Variants in ZMYM6 observed in about 807,000 individuals in gnomAD.
ZMYM6 encodes zinc finger MYM-type protein 6.
A neutral mutation model predicts 134.0 loss-of-function variants in ZMYM6; 90 were observed. That is an observed-to-expected ratio of 0.67 (90% confidence interval 0.57 to 0.80). ZMYM6 has a LOEUF of 0.80. Ranked by LOEUF, ZMYM6 falls within the 30% of genes least tolerant of loss-of-function variation. The pLI, the probability that ZMYM6 is intolerant of heterozygous loss-of-function variation, is 0.00. For missense variants in ZMYM6, 1,362 were observed against 1,533.9 expected, an observed-to-expected ratio of 0.89 and a Z score of 1.87; for synonymous variants, 481 against 524.1, an observed-to-expected ratio of 0.92 and a Z score of 1.12.
chr1:35,004,532 T>G (rs1259929749), intron 13 of ZMYM6, among the ~76,000 whole-genome samples: 3 of 151,408 alleles, frequency 2.0e-5, no homozygotes, highest in African/African-American at 7.3e-5. Context: ...TCGCTTGAAC[T>G]CGGGAGGCGG....
chr1:34,998,450 G>A lies in ZMYM6; in HGVS notation c.1992+5518C>T, dbSNP rs1640824845. Among the ~76,000 whole-genome samples the A allele has an allele frequency of 3.3e-5, 5 of 152,224 alleles. No homozygotes were observed. In the South Asian group the frequency reaches 1.0e-3, roughly 32 times the overall value. Reference sequence around the variant, plus strand: ...TTATTCTTTTCAGAATGTCATTGAAGGTTTTTGAGCGGAGGAATGACATGA... The same window carrying A: ...TTATTCTTTTCAGAATGTCATTGAAAGTTTTTGAGCGGAGGAATGACATGA... On this transcript the variant is annotated intron_variant, in intron 14 of 15. Transcript: ENST00000357182.
intron 14 of ZMYM6, among the ~76,000 whole-genome samples, chr1:34,999,339 G>T (rs1167469605): frequency 1.3e-5 from 2 of 152,186 alleles, no homozygotes; most frequent in African/African-American, 4.8e-5. Context: ...AGCCTGACTG[G>T]AATGACCTAA....
intron 1 of ZMYM6, chr1:35,031,176 C>T (rs540675355): frequency 6.6e-6 from 1 of 152,648 alleles, no homozygotes; most frequent in Admixed American, 6.5e-5. Context: ...CTAAGGGCCC[C>T]ATTTCTCGGC....
intron 10 of ZMYM6, 85 bp from the exon 11 acceptor site, chr1:35,009,009 A>C: frequency 7.1e-7 from 1 of 1,405,228 alleles, no homozygotes; most frequent in Non-Finnish European, 9.6e-7. Context: ...CTTAGATATG[A>C]AACTTTAAGC....
chr1:35,010,744 T>G lies in ZMYM6; in HGVS notation c.1341+14A>C. The G allele has an allele frequency of 6.5e-7, 1 of 1,540,880 alleles. No individual in the cohort carries two copies. The highest frequency in any genetic ancestry group is 8.7e-7 in the Non-Finnish European group (1 of 1,149,462). ...ATGAGTTTATATACAATCCCTTTCA[T>G]GATCTCTCTTTACCTTGTAAAAAAG... On this transcript the variant is annotated intron_variant, in intron 9 of 15. Coordinates refer to ENST00000357182, the MANE Select transcript of ZMYM6 (RefSeq NM_007167.4).
intron 10 of ZMYM6, 99 bp from the exon 11 acceptor site, chr1:35,009,023 TTTCTAATACACAA>T: frequency 8.0e-7 from 1 of 1,256,514 alleles, no homozygotes; most frequent in Non-Finnish European, 1.1e-6. Context: ...TTTAAGCTAA[TTTCTAATACACAA>T]TTATTTGCCT....
At chr1:35,015,743 A>AAAAAAT in intron 4 of ZMYM6, among the ~76,000 whole-genome samples, 8 of 106,466 alleles carry the variant, frequency 7.5e-5, no homozygotes, top group African/African-American at 4.6e-4. Context: ...AAAAAAAAAA[A>AAAAAAT]ATATATATAT....
intron 14 of ZMYM6, among the ~76,000 whole-genome samples, chr1:34,996,434 T>G (rs569181985): frequency 2.0e-5 from 3 of 152,230 alleles, no homozygotes; most frequent in Non-Finnish European, 2.9e-5. Flanking sequence ...AATTCAAAGA[T>G]TCACGTAATA....
intron 14 of ZMYM6, among the ~76,000 whole-genome samples, chr1:34,992,943 A>G (rs72907583): frequency 0.037 from 5,497 of 148,786 alleles, 323 homozygotes; most frequent in African/African-American, 0.13. Flanking sequence ...AATGAAAACA[A>G]TTGTTAATCT....
intron 10 of ZMYM6, among the ~76,000 whole-genome samples, chr1:35,009,647 T>C (rs1224935998): frequency 1.3e-5 from 2 of 152,312 alleles, no homozygotes; most frequent in East Asian, 3.9e-4. Context: ...AAAGACTGAC[T>C]TTCAGCCAGG....
At chr1:34,998,667 G>C (rs937757494) in intron 14 of ZMYM6, among the ~76,000 whole-genome samples, 3 of 151,912 alleles carry the variant, frequency 2.0e-5, no homozygotes, top group African/African-American at 4.8e-5. Flanking sequence ...GGGATAAAAG[G>C]GTTCTGTTTT....
intron 2 of ZMYM6, among the ~76,000 whole-genome samples, chr1:35,028,625 A>G (rs891170466): frequency 1.5e-4 from 23 of 150,954 alleles, no homozygotes; most frequent in Non-Finnish European, 3.4e-4. Context: ...TCAGCCTCCC[A>G]AGTAGCTGGG....
intron 14 of ZMYM6, among the ~76,000 whole-genome samples, chr1:35,002,980 C>G (rs12038979): frequency 6.6e-6 from 1 of 151,706 alleles, no homozygotes; most frequent in African/African-American, 2.4e-5. Flanking sequence ...TGAGACTAGC[C>G]TGGGCAACAT....
At chr1:35,015,797 G>C (rs1339124095) in intron 4 of ZMYM6, among the ~76,000 whole-genome samples, 5 of 146,616 alleles carry the variant, frequency 3.4e-5, no homozygotes, top group African/African-American at 1.0e-4. Context: ...AAATAGGAAG[G>C]CTTCCAGCCC....
Position 34,987,047 on chromosome 1 carries a change from C to G in ZMYM6, c.*57G>C. The G allele has an allele frequency of 8.3e-7, 1 of 1,211,334 alleles. No individual in the cohort carries two copies. The highest frequency in any genetic ancestry group is 2.1e-4 in the Middle Eastern group (1 of 4,742). 75.0% of individuals were successfully genotyped at this position (1,211,334 alleles called of 1,614,324 possible). A position where few individuals can be genotyped will look rare whatever the true frequency, so the allele number is the denominator to read the frequency against. Reference sequence around the variant, plus strand: ...CATTAGGAAATTATCTTTTAGGATACTTATACAAAACTTAACACAGGATTA... The same window carrying G: ...CATTAGGAAATTATCTTTTAGGATAGTTATACAAAACTTAACACAGGATTA... On this transcript the variant is annotated 3_prime_UTR_variant, in exon 16 of 16. Coordinates refer to ENST00000357182, the MANE Select transcript of ZMYM6 (RefSeq NM_007167.4).
rs537611930 is a variant in ZMYM6, at chr1:35,007,544, C to T, written c.1666-446G>A. Among the ~76,000 whole-genome samples the T allele has an allele frequency of 5.9e-5, 9 of 151,804 alleles. No individual in the cohort carries two copies. In the South Asian group the frequency reaches 1.5e-3, roughly 25 times the overall value. On this transcript the variant is annotated intron_variant, in intron 11 of 15. Coordinates refer to ENST00000357182, the MANE Select transcript of ZMYM6 (RefSeq NM_007167.4). ...CAGAGGTTGCAGTGAGCCGAGATCGCGTCACTGCACTCCAGCCTGGGTGAC... is the reference window on the plus strand; with the variant it reads ...CAGAGGTTGCAGTGAGCCGAGATCGTGTCACTGCACTCCAGCCTGGGTGAC...
intron 14 of ZMYM6, among the ~76,000 whole-genome samples, chr1:34,995,749 C>T (rs1489330588): frequency 6.6e-6 from 1 of 152,134 alleles, no homozygotes; most frequent in African/African-American, 2.4e-5. Flanking sequence ...CCGGAATTTT[C>T]CATTTAATAT....
In ZMYM6 at chr1:35,014,587, A is replaced by G. The variant is rs533715527; in HGVS notation, c.795+110T>C. ...TCCCATTTTCTGGAAGGGAAATCACATATCAGGATGGACTAATGGGAGGAG... is the reference window on the plus strand; with the variant it reads ...TCCCATTTTCTGGAAGGGAAATCACGTATCAGGATGGACTAATGGGAGGAG... On this transcript the variant is annotated intron_variant, in intron 6 of 15. Coordinates refer to ENST00000357182, the MANE Select transcript of ZMYM6 (RefSeq NM_007167.4). 1.3e-5 allele frequency: 14 copies of G among 1,052,524 alleles called. 1 individual carries two copies. The highest frequency in any genetic ancestry group is 1.8e-5 in the Non-Finnish European group (13 of 732,310). 65.2% of individuals were successfully genotyped at this position (1,052,524 alleles called of 1,614,324 possible).
chr1:35,020,129 G>A (rs537363913), intron 3 of ZMYM6, among the ~76,000 whole-genome samples: 5 of 152,054 alleles, frequency 3.3e-5, no homozygotes, highest in Admixed American at 6.6e-5. Flanking sequence ...GTTTGTAAAC[G>A]TGGGGATGTA....
Sources: gnomAD v4.1 joint callset for allele counts (sites outside exome capture counted in the v4.1 genomes callset) on GRCh38, gnomAD v4.1.1 for gene constraint, MANE v1.5 for transcripts, NCBI Gene and HGNC (gene_info 2026-07-23, HGNC 2026-07-21) for gene names.